CROCC: variants seen among roughly 807,000 people sequenced by gnomAD.
CROCC encodes the protein ciliary rootlet coiled-coil, rootletin, also known as rootletin.
CROCC carries 180 observed loss-of-function variants against 245.2 expected under a neutral mutation model. That is an observed-to-expected ratio of 0.73 (90% confidence interval 0.65 to 0.83). The LOEUF (loss-of-function observed/expected upper bound fraction) is 0.83, where lower values mean the gene tolerates loss of function less well. CROCC is among the 40% of genes least tolerant of loss of function. CROCC has a pLI of 0.00. For synonymous variants in CROCC, 1,205 were observed against 1,241.6 expected, an observed-to-expected ratio of 0.97 and a Z score of 0.62; for missense variants, 2,688 against 2,779.4, an observed-to-expected ratio of 0.97 and a Z score of 0.74.
intron 26 of CROCC, among the ~76,000 whole-genome samples, chr1:16,959,142 C>T (rs980731098): frequency 1.3e-5 from 2 of 152,216 alleles, no homozygotes; most frequent in Non-Finnish European, 2.9e-5. Flanking sequence ...TCTGCCTCAG[C>T]CTCCCGAGTA....
At position 16,971,637 on chromosome 1, in the gene CROCC, T is replaced by G; in HGVS notation, c.5957T>G (p.Leu1986Arg). The G allele has an allele frequency of 6.7e-7, 1 of 1,497,344 alleles. No homozygotes were observed. The highest frequency in any genetic ancestry group is 8.9e-7 in the Non-Finnish European group (1 of 1,122,184). The allele number at this position is 1,497,344 out of a possible 1,614,324, so 92.8% of individuals were successfully genotyped here. Residue 1986 changes from leucine to arginine, a missense_variant, in exon 36 of 37, where the codon CTG (leucine) becomes CGG (arginine). Leu to Arg is a moderately radical substitution (Grantham distance 102). Transcript: ENST00000375541. ...GCCCACCGCCAGAGGGTGCGTGGGC[T>G]GGAGGAGCAGGTGTGCAGGCCCCCT... ...ERAHRQRVRG[L>R]EEQVSTLKGQ...
intron 13 of CROCC, among the ~76,000 whole-genome samples, chr1:16,942,079 C>T (rs1397253338): frequency 2.6e-5 from 4 of 152,232 alleles, no homozygotes; most frequent in African/African-American, 9.6e-5. Context: ...GGTGCGATCT[C>T]ATTTCACTGC....
upstream of CROCC, among the ~76,000 whole-genome samples, chr1:16,916,959 A>C (rs1268286371): frequency 1.3e-5 from 2 of 152,302 alleles, no homozygotes; most frequent in African/African-American, 4.8e-5. Context: ...CTCTACTAAA[A>C]ATACAAAAAT....
In CROCC at chr1:16,969,026, T is replaced by C. The variant is rs1345773583; in HGVS notation, c.5077-90T>C. 2.5e-6 allele frequency: 3 copies of C among 1,215,230 alleles called. No individual in the cohort carries two copies. In the African/African-American group the frequency reaches 4.5e-5, roughly 18 times the overall value. The allele number at this position is 1,215,230 out of a possible 1,614,324, so 75.3% of individuals were successfully genotyped here. A position where few individuals can be genotyped will look rare whatever the true frequency, so the allele number is the denominator to read the frequency against. ...CAGAGAGAAGTGGGAAGGGTGTGGA[T>C]TGGGCATGCCAGGTGGAGGTCACAG... On this transcript the variant is annotated intron_variant, in intron 31 of 36. Transcript: ENST00000375541.
Position 16,961,079 on chromosome 1 carries a change from C to A in CROCC, c.4354C>A (p.Pro1452Thr). The A allele has an allele frequency of 7.3e-7, 1 of 1,363,400 alleles. No individual in the cohort carries two copies. The highest frequency in any genetic ancestry group is 9.4e-7 in the Non-Finnish European group (1 of 1,061,728). The allele number at this position is 1,363,400 out of a possible 1,614,324, so 84.5% of individuals were successfully genotyped here. The change falls in exon 27 of 37, where the codon CCA becomes ACA. Residue 1452 changes from proline to threonine, a missense_variant. This residue lies in a region of CROCC where 1,218 missense variants were observed against 1,286.3 expected (regional missense o/e 0.95). Transcript: ENST00000375541. ...CCTCGGCCTCGGTCGCGCGCCCAGC[C>A]CAGCCCCGCGGCCAGTGCCCGGTTC... ...RGLGLGRAPSPAPRPVPGSPA... is the reference protein window; with the variant it reads ...RGLGLGRAPSTAPRPVPGSPA...
At chr1:16,936,599 A>G in intron 8 of CROCC, 38 bp from the exon 9 acceptor site, 3 of 1,524,956 alleles carry the variant, frequency 2.0e-6, no homozygotes, top group Non-Finnish European at 2.7e-6. Context: ...AGTTGGGAGC[A>G]AGCCCCATCC....
chr1:16,968,262 GA>G lies in CROCC; in HGVS notation c.4922del (p.Lys1641ArgfsTer58). 2.6e-6 allele frequency: 4 copies of G among 1,565,942 alleles called. No homozygotes were observed. Among genetic ancestry groups the G allele is most frequent in the Non-Finnish European group, 3.5e-6 (4 of 1,156,766 alleles). The stretch of plus-strand genomic sequence containing the variant: ...AGCTGGAGGGCGACAAGCGGCGCCT[GA>G]AGGAGGTTCTGGACGCCTCCGAGAG... The part of the protein sequence containing the change: ...TKLEGDKRRL[K>X]EVLDASESRT... On this transcript the variant is annotated frameshift_variant, in exon 31 of 37. Coordinates refer to ENST00000375541, the MANE Select transcript of CROCC (RefSeq NM_014675.5). LOFTEE classifies it high-confidence loss of function.
chr1:16,914,840 G>A (rs2075285800), intron 1 of CROCC, among the ~76,000 whole-genome samples: 1 of 152,282 alleles, frequency 6.6e-6, no homozygotes, highest in South Asian at 2.1e-4. Flanking sequence ...CAGCTCCCTT[G>A]GGAAGACGAT....
Position 16,966,457 on chromosome 1 carries a change from G to A in CROCC, c.4746G>A (p.Ala1582=), listed in dbSNP as rs1471524846. The A allele has an allele frequency of 9.8e-6, 15 of 1,536,934 alleles. No individual in the cohort carries two copies. The highest frequency in any genetic ancestry group is 2.7e-5 in the African/African-American group (2 of 73,030). ...GRLSGVQAEL[A]LQEESVRRSE... ...TGAGCGGGGTCCAGGCGGAGCTGGC[G>A]CTGCAGGAGGAGAGTGTGCGGCGCA... is the stretch of plus-strand genomic sequence containing the variant. Residue 1582 remains alanine, a synonymous_variant, in exon 30 of 37, where the codon GCG becomes GCA. Coordinates refer to ENST00000375541, the MANE Select transcript of CROCC (RefSeq NM_014675.5). The surrounding 1 kb of genome is among the most constrained non-coding windows in gnomAD (Gnocchi z 4.8).
intron 8 of CROCC, 43 bp downstream of exon 8, chr1:16,931,440 C>A: frequency 6.5e-7 from 1 of 1,531,308 alleles, no homozygotes. Context: ...AGAGCCAGCC[C>A]TGCTCTTTAT....
rs2076411264 is a variant in CROCC, at chr1:16,966,005, C to T, written c.4582C>T (p.Leu1528Phe). The change falls in exon 29 of 37, where the codon CTT (leucine) becomes TTT (phenylalanine). Residue 1528 changes from leucine (L) to phenylalanine (F), a missense_variant. Leu to Phe is a conservative substitution (Grantham distance 22). Around this residue, in one of 9 missense-constraint regions of CROCC, gnomAD observed 1,218 missense variants for 1,286.3 expected, o/e 0.95. Coordinates refer to ENST00000375541, the MANE Select transcript of CROCC (RefSeq NM_014675.5). This position sits in a 1 kb window ranked among gnomAD's most constrained non-coding sequence, Gnocchi z 4.8. ...CCCCATGTCGGGGCTACAGGACGAA[C>T]TTCGGACCCAGACCAGTGCCCTGAA... is the stretch of plus-strand genomic sequence containing the variant. ...LRSAQRERDE[L>F]RTQTSALNRQ... 6.2e-7 allele frequency: 1 copy of T among 1,612,770 alleles called. No individual in the cohort carries two copies.
intron 24 of CROCC, 109 bp downstream of exon 24, chr1:16,955,659 C>G: frequency 2.0e-6 from 2 of 1,025,274 alleles, no homozygotes; most frequent in Non-Finnish European, 1.4e-6. Flanking sequence ...GATCCTCTGT[C>G]TCCTAAGCAG....
In CROCC at chr1:16,970,410, G is replaced by A. The variant is rs745615493; in HGVS notation, c.5609G>A (p.Arg1870Gln). ...EKREVERSAL[R>Q]LEKDRVALRR... ...CGGGAGGTGGAGCGCTCAGCCCTGC[G>A]GCTGGAGAAGGACCGTGTAGCCCTC... is the stretch of plus-strand genomic sequence containing the variant. Residue 1870 changes from arginine to glutamine, a missense_variant, in exon 34 of 37, where the codon CGG (arginine) becomes CAG (glutamine). By Grantham distance (43) the Arg-to-Gln change is conservative (BLOSUM62 1). Coordinates refer to ENST00000375541, the MANE Select transcript of CROCC (RefSeq NM_014675.5). The A allele has an allele frequency of 1.5e-4, 247 of 1,604,376 alleles. No homozygotes were observed. The highest frequency in any genetic ancestry group is 2.0e-4 in the Admixed American group (12 of 59,176).
At chr1:16,955,831 GAGGGCCTGGGCCCCAGCCCTGC>G (rs1484356621) in intron 24 of CROCC, among the ~76,000 whole-genome samples, 144 bp from the exon 25 acceptor site, 1 of 151,912 alleles carries the variant, frequency 6.6e-6, no homozygotes, top group East Asian at 1.9e-4. Flanking sequence ...CCTCCCAGCC[GAGGGCCTGGGCCCCAGCCCTGC>G]AGGGCTCAGG....
At chr1:16,964,174 G>A (rs1273846980) in intron 27 of CROCC, among the ~76,000 whole-genome samples, 1 of 122,466 alleles carries the variant, frequency 8.2e-6, no homozygotes, top group Non-Finnish European at 1.7e-5. Context: ...TCTCTCTGTT[G>A]CCCAGGCTGG....
rs1261328448 is a variant in CROCC, at chr1:16,968,398, G to A, written c.5056G>A (p.Val1686Met). Residue 1686 changes from valine (V) to methionine (M), a missense_variant, in exon 31 of 37, where the codon GTG becomes ATG. Coordinates refer to ENST00000375541, the MANE Select transcript of CROCC (RefSeq NM_014675.5). ...CCAAGCCCAGGCCCTCCAGGATCGG[G>A]TGGATTCCCTGCAGAGACAGGTGGG... ...EAQAQALQDRVDSLQRQVADS... is the reference protein window; with the variant it reads ...EAQAQALQDRMDSLQRQVADS... The A allele has an allele frequency of 6.7e-7, 1 of 1,496,242 alleles. No individual in the cohort carries two copies. The highest frequency in any genetic ancestry group is 8.9e-7 in the Non-Finnish European group (1 of 1,122,224). The allele number at this position is 1,496,242 out of a possible 1,614,324, so 92.7% of individuals were successfully genotyped here.
chr1:16,970,565 G>C, intron 34 of CROCC, 71 bp from the exon 35 acceptor site: 6 of 1,478,026 alleles, frequency 4.1e-6, no homozygotes, highest in Non-Finnish European at 5.4e-6. Flanking sequence ...TATTCCATCA[G>C]GGTTCAGGAA....
At chr1:16,941,521 G>T (rs11203462) in intron 13 of CROCC, 22,665 of 148,736 alleles carry the variant, frequency 0.15, no homozygotes, top group East Asian at 0.4. Context: ...GAGGTCAGGA[G>T]ATTGAGACCA....
At chr1:16,918,615 C>A (rs1371875559), upstream of CROCC, among the ~76,000 whole-genome samples, 1 of 152,224 alleles carries the variant, frequency 6.6e-6, no homozygotes, top group African/African-American at 2.4e-5. Flanking sequence ...GGCTTCCCCC[C>A]TGTTCTGGTG....
Sources: gnomAD v4.1 joint callset for allele counts (sites outside exome capture counted in the v4.1 genomes callset) on GRCh38, gnomAD v4.1.1 for gene constraint, gnomAD v4.1.1 regional missense constraint, Gnocchi (gnomAD v3.1) non-coding constraint, MANE v1.5 for transcripts, NCBI Gene and HGNC (gene_info 2026-07-23, HGNC 2026-07-21) for gene names.